The following GBP4 variants were observed in gnomAD, a reference collection of about 807,000 sequenced individuals.
GBP4 encodes the protein guanylate-binding protein 4.
GBP4 carries 69 observed loss-of-function variants against 62.2 expected under a neutral mutation model. The observed-to-expected ratio is 1.11, with a 90% confidence interval of 0.91 to 1.36. GBP4 has a LOEUF of 1.36. GBP4 is among the 40% of genes most tolerant of loss of function. The probability of loss-of-function intolerance (pLI) is 0.00; values close to 1 mark genes in which losing one functional copy is unlikely to be tolerated. For missense variants in GBP4, 697 were observed against 759.3 expected (o/e 0.92, Z 0.96); for synonymous variants, 278 against 274.6 (o/e 1.01, Z -0.12).
At chr1:89,193,815 A>G (rs996352578) in intron 3 of GBP4, among the ~76,000 whole-genome samples, 7 of 152,352 alleles carry the variant, frequency 4.6e-5, no homozygotes, top group South Asian at 2.1e-4. Context: ...TTTTGTGGAT[A>G]TAAAGTTCCT....
rs1648239475 is a variant in GBP4, at chr1:89,193,315, A to C, written c.461T>G (p.Leu154Arg). The C allele has an allele frequency of 3.7e-6, 6 of 1,614,016 alleles. No individual in the cohort carries two copies. Among genetic ancestry groups the C allele is most frequent in the Non-Finnish European group, 4.2e-6 (5 of 1,179,952 alleles). The change falls in exon 4 of 11, where the codon CTG becomes CGG. Residue 154 changes from leucine to arginine, a missense_variant. Transcript: ENST00000355754. ...NSVSTINHQALEQLHYVTELA... is the reference protein window; with the variant it reads ...NSVSTINHQAREQLHYVTELA... ...CCCAGAAGGATACTGCAGCTGCTCC[A>C]GGGCCTGGTGGTTGATGGTGCTCAC...
chr1:89,186,411 G>A lies in GBP4; in HGVS notation c.1629C>T (p.Ala543=), dbSNP rs1142887. The A allele has an allele frequency of 0.42, 495,141 of 1,190,888 alleles. 133,483 individuals carry two copies. The highest frequency in any genetic ancestry group is 0.47 in the South Asian group (35,759 of 76,480). 73.8% of individuals were successfully genotyped at this position (1,190,888 alleles called of 1,614,324 possible). A position where few individuals can be genotyped will look rare whatever the true frequency, so the allele number is the denominator to read the frequency against. ...AQERSFQEYM[A]QMEKKLEEER... Reference sequence around the variant, plus strand: ...CCTCCTCCAACTTCTTCTCCATTTGGGCCATGTATTCCTGGAAGCTTCTCT... The same window carrying A: ...CCTCCTCCAACTTCTTCTCCATTTGAGCCATGTATTCCTGGAAGCTTCTCT... The change falls in exon 10 of 11, where the codon GCC becomes GCT. Residue 543 remains alanine (A), a synonymous_variant. Transcript: ENST00000355754.
chr1:89,187,302 C>G (rs1461735243), intron 8 of GBP4, among the ~76,000 whole-genome samples, 200 bp from the exon 9 acceptor site: 1 of 151,358 alleles, frequency 6.6e-6, no homozygotes, highest in African/African-American at 2.4e-5. Flanking sequence ...CAGCAGCCTC[C>G]CTCCTGCCTG....
rs770217557 is a variant in GBP4 at position 89,188,571 on chromosome 1, CT to C, written c.1410+10del. Reference sequence around the variant, plus strand: ...CCTCTGTTATCCATCCCCCATTCCCCTTTTCCTCACCTTAACTCCTTTTCTG... The same window carrying C: ...CCTCTGTTATCCATCCCCCATTCCCCTTTCCTCACCTTAACTCCTTTTCTG... On this transcript the variant is annotated intron_variant, in intron 8 of 10. Coordinates refer to ENST00000355754, the MANE Select transcript of GBP4 (RefSeq NM_052941.5). 3.7e-6 allele frequency: 6 copies of C among 1,609,708 alleles called. No individual in the cohort carries two copies. Among genetic ancestry groups the C allele is most frequent in the Non-Finnish European group, 5.1e-6 (6 of 1,175,916 alleles).
At position 89,186,526 on chromosome 1, in the gene GBP4, G is replaced by C. The variant is rs368648285; in HGVS notation, c.1514C>G (p.Ala505Gly). The C allele has an allele frequency of 6.2e-7, 1 of 1,613,238 alleles. No individual in the cohort carries two copies. The highest frequency in any genetic ancestry group is 2.2e-5 in the East Asian group (1 of 44,874). Residue 505 changes from alanine (A) to glycine (G), a missense_variant and splice_region_variant, in exon 10 of 11, where the codon GCG (alanine) becomes GGG (glycine). Ala to Gly is a moderately conservative substitution (Grantham distance 60). Transcript: ENST00000355754. Reference sequence around the variant, plus strand: ...AGCTGCTTCCTTCATGGCCCGCTCCGCTATTCCACAAAGGTTTTAGAGAGG... The same window carrying C: ...AGCTGCTTCCTTCATGGCCCGCTCCCCTATTCCACAAAGGTTTTAGAGAGG... ...ALTAGEKAIA[A>G]ERAMKEAAEK... is the part of the protein sequence containing the mutation.
intron 2 of GBP4, 38 bp downstream of exon 2, chr1:89,197,072 T>A (rs760963738): frequency 9.0e-6 from 14 of 1,559,382 alleles, no homozygotes; most frequent in Non-Finnish European, 7.9e-6. Flanking sequence ...TTATCACTGG[T>A]TCCAAGTAAA....
In GBP4 at chr1:89,196,565, C is replaced by T. The variant is rs1391402834; in HGVS notation, c.235+545G>A. Among the ~76,000 whole-genome samples the T allele has an allele frequency of 2.0e-5, 3 of 152,132 alleles. No homozygotes were observed. The East Asian group carries it at 5.8e-4, about 29-fold the overall frequency. ...TCATGTATTCACTTTATTAACTTCA[C>T]TGTAAAGGTATGTTGTACATACTCT... On this transcript the variant is annotated intron_variant, in intron 2 of 10. Transcript: ENST00000355754.
intron 1 of GBP4, among the ~76,000 whole-genome samples, chr1:89,197,995 T>C (rs1648392433): frequency 6.6e-6 from 1 of 151,890 alleles, no homozygotes; most frequent in African/African-American, 2.4e-5. Flanking sequence ...GATTTTCTTC[T>C]ATACTTTGGT....
At position 89,188,582 on chromosome 1, in the gene GBP4, C is replaced by T. The variant is rs1207024298; in HGVS notation, c.1410G>A (p.Lys470=). The change falls in exon 8 of 11, where the codon AAG becomes AAA. Residue 470 remains lysine, a splice_region_variant and synonymous_variant. Transcript: ENST00000355754. ...CATCCCCCATTCCCCTTTTCCTCAC[C>T]TTAACTCCTTTTCTGGGCACTAGCT... ...DYKLVPRKGV[K]ANEVLQNFLQ... The T allele has an allele frequency of 1.2e-6, 2 of 1,612,930 alleles. No homozygotes were observed. The highest frequency in any genetic ancestry group is 1.7e-5 in the Admixed American group (1 of 60,010).
At chr1:89,198,209 C>T (rs995895960) in intron 1 of GBP4, among the ~76,000 whole-genome samples, 1 of 151,990 alleles carries the variant, frequency 6.6e-6, no homozygotes, top group Non-Finnish European at 1.5e-5. Context: ...TGCTGTTAAC[C>T]GGGCGAATTC....
intron 8 of GBP4, 71 bp from the exon 9 acceptor site, chr1:89,187,173 T>C: frequency 8.3e-7 from 1 of 1,207,866 alleles, no homozygotes; most frequent in Non-Finnish European, 1.2e-6. Flanking sequence ...GAAATTATTG[T>C]TCAATAAAGT....
In GBP4 at chr1:89,186,449, T is replaced by A; in HGVS notation, c.1591A>T (p.Met531Leu). The A allele has an allele frequency of 6.2e-7, 1 of 1,613,490 alleles. No individual in the cohort carries two copies. Among genetic ancestry groups the A allele is most frequent in the Non-Finnish European group, 8.5e-7 (1 of 1,179,418 alleles). The change falls in exon 10 of 11, where the codon ATG (methionine) becomes TTG (leucine). Residue 531 changes from methionine (M) to leucine (L), a missense_variant. Physicochemically the swap from Met to Leu is conservative, Grantham distance 15. Around this residue, in one of 2 missense-constraint regions of GBP4, gnomAD observed 141 missense variants for 196.6 expected, o/e 0.72. Transcript: ENST00000355754. ...REKQKEQQQMMEAQERSFQEY... is the reference protein window; with the variant it reads ...REKQKEQQQMLEAQERSFQEY... ...TGGAAGCTTCTCTCTTGAGCCTCCA[T>A]CATTTGCTGCTGCTCCTTCTGTTTT...
chr1:89,193,502 T>C, intron 3 of GBP4, 90 bp from the exon 4 acceptor site: 5 of 1,163,462 alleles, frequency 4.3e-6, no homozygotes, highest in African/African-American at 1.5e-5. Flanking sequence ...TTCAGCTGTA[T>C]GATAGTTGAA....
At chr1:89,190,343 A>G (rs1648148460) in intron 6 of GBP4, 25 bp from the exon 7 acceptor site, 2 of 1,552,548 alleles carry the variant, frequency 1.3e-6, no homozygotes, top group African/African-American at 2.7e-5. Flanking sequence ...TTTAGGGAAA[A>G]TTTACAGTTC....
At position 89,185,219 on chromosome 1, in the gene GBP4, C is replaced by G. The variant is rs916134639; in HGVS notation, c.*35G>C. On this transcript the variant is annotated 3_prime_UTR_variant, in exon 11 of 11. Transcript: ENST00000355754. ...TATGTTATTAAAATAAAATAAACCT[C>G]ATTTTATATTTTCTTACCTGGAATA... The G allele has an allele frequency of 1.6e-6, 2 of 1,244,428 alleles. No individual in the cohort carries two copies. Among genetic ancestry groups the G allele is most frequent in the African/African-American group, 3.0e-5 (2 of 67,116 alleles). The allele number at this position is 1,244,428 out of a possible 1,614,324, so 77.1% of individuals were successfully genotyped here.
chr1:89,198,593 T>C (rs493470), intron 1 of GBP4: 431,475 of 590,556 alleles, frequency 0.73, 158,440 homozygotes, highest in African/African-American at 0.82. Flanking sequence ...CTGTGGACCG[T>C]CTAGAGACGC....
chr1:89,187,840 T>C (rs1226576874), intron 8 of GBP4, among the ~76,000 whole-genome samples: 1 of 152,080 alleles, frequency 6.6e-6, no homozygotes, highest in Non-Finnish European at 1.5e-5. Flanking sequence ...AGATAGCAAG[T>C]GTTGGCAAAG....
In GBP4 at chr1:89,197,116, G is replaced by T. The variant is rs372003146; in HGVS notation, c.229C>A (p.Arg77Ser). The change falls in exon 2 of 11, where the codon CGC becomes AGC. Residue 77 changes from arginine (R) to serine (S), a missense_variant. By Grantham distance (110) the Arg-to-Ser change is moderately radical. Around this residue, in one of 2 missense-constraint regions of GBP4, gnomAD observed 556 missense variants for 562.7 expected, o/e 0.99. Transcript: ENST00000355754. ...GTCCTAGGACCACACTCACCATTGC[G>T]CTTTCCTGCAAGACGATTCATGAGA... ...SYLMNRLAGK[R>S]NGFPLGSTVQ... 2.3e-5 allele frequency: 37 copies of T among 1,611,252 alleles called. No homozygotes were observed. Among genetic ancestry groups the T allele is most frequent in the East Asian group, 2.0e-4 (9 of 44,832 alleles).
rs1247024820 is a variant in GBP4 at position 89,185,125 on chromosome 1, TTTTTAA to T, written c.*123_*128del. 6 of 560,258 alleles carry T rather than the reference TTTTTAA, an allele frequency of 1.1e-5. No individual in the cohort carries two copies. The highest frequency in any genetic ancestry group is 1.9e-5 in the Non-Finnish European group (6 of 321,358). The allele number at this position is 560,258 out of a possible 1,614,324, so 34.7% of individuals were successfully genotyped here. A position where few individuals can be genotyped will look rare whatever the true frequency, so the allele number is the denominator to read the frequency against. On this transcript the variant is annotated 3_prime_UTR_variant, in exon 11 of 11. Transcript: ENST00000355754. ...GGCCCTGATATTCTTTGATAATCAC[TTTTTAA>T]TTTTAAACTTTTCTTGAATGAAACT...
Sources: gnomAD v4.1 joint callset for allele counts (sites outside exome capture counted in the v4.1 genomes callset) on GRCh38, gnomAD v4.1.1 for gene constraint, gnomAD v4.1.1 regional missense constraint, MANE v1.5 for transcripts, NCBI Gene and HGNC (gene_info 2026-07-23, HGNC 2026-07-21) for gene names.